RHBDD1: variants seen among roughly 807,000 people sequenced by gnomAD.
The protein encoded by RHBDD1 is rhomboid domain containing 1, also known as rhomboid-related protein 4.
A neutral mutation model predicts 36.3 loss-of-function variants in RHBDD1; 38 were observed. The ratio of observed to expected loss-of-function variants is 1.05; its 90% CI spans 0.81 to 1.37. The LOEUF (loss-of-function observed/expected upper bound fraction) is 1.37. Ranked by LOEUF, RHBDD1 falls within the 40% of genes most tolerant of loss-of-function variation. The pLI, the probability that RHBDD1 is intolerant of heterozygous loss-of-function variation, is 0.00. For missense variants in RHBDD1, 393 were observed against 377.6 expected (o/e 1.04, Z -0.34); for synonymous variants, 151 against 136.5 (o/e 1.11, Z -0.74).
intron 5 of RHBDD1, among the ~76,000 whole-genome samples, chr2:226,891,934 G>A (rs535803241): frequency 6.6e-6 from 1 of 152,330 alleles, no homozygotes; most frequent in African/African-American, 2.4e-5. Context: ...GGCCAGTGCA[G>A]GTCGCATGCC....
intron 8 of RHBDD1, among the ~76,000 whole-genome samples, chr2:226,946,291 T>G (rs1000018701): frequency 6.6e-6 from 1 of 152,200 alleles, no homozygotes; most frequent in African/African-American, 2.4e-5. Flanking sequence ...GGTCTTATGT[T>G]TAAGTCTTTA....
chr2:226,825,778 C>T, the RHBDD1 span, among the ~76,000 whole-genome samples: 2 of 152,188 alleles, frequency 1.3e-5, no homozygotes, highest in Non-Finnish European at 2.9e-5. Flanking sequence ...AATCATGAAT[C>T]CCTTTGCCCA....
intron 3 of RHBDD1, among the ~76,000 whole-genome samples, chr2:226,842,221 T>G (rs986972007): frequency 1.3e-5 from 2 of 152,214 alleles, no homozygotes; most frequent in African/African-American, 4.8e-5. Flanking sequence ...TGTAAAAATT[T>G]TCTCCCATTC....
At chr2:226,988,425 A>G in intron 8 of RHBDD1, 5 of 1,550,468 alleles carry the variant, frequency 3.2e-6, no homozygotes, top group Non-Finnish European at 4.4e-6. Context: ...GGAAGCCTGA[A>G]GCAGGCCGCA....
chr2:226,940,162 C>G (rs1372681994), intron 8 of RHBDD1, among the ~76,000 whole-genome samples: 1 of 152,080 alleles, frequency 6.6e-6, no homozygotes, highest in Non-Finnish European at 1.5e-5. Flanking sequence ...TGTAAAAACC[C>G]TAGAGGAAAA....
chr2:226,850,161 A>G (rs1942669207), intron 3 of RHBDD1, among the ~76,000 whole-genome samples: 1 of 152,216 alleles, frequency 6.6e-6, no homozygotes, highest in South Asian at 2.1e-4. Context: ...GGTTGATGAG[A>G]TAATTTGCTC....
chr2:226,966,052 G>T (rs1386294935), intron 8 of RHBDD1, among the ~76,000 whole-genome samples: 2 of 152,046 alleles, frequency 1.3e-5, no homozygotes, highest in Non-Finnish European at 2.9e-5. Flanking sequence ...ATCATTCCTG[G>T]GGTATAAGGT....
chr2:226,986,877 C>T (rs116534613), intron 8 of RHBDD1, among the ~76,000 whole-genome samples: 2,295 of 152,296 alleles, frequency 0.015, 47 homozygotes, highest in African/African-American at 0.053. Flanking sequence ...GACACATGCA[C>T]GTGTGTGCTT....
intron 8 of RHBDD1, among the ~76,000 whole-genome samples, chr2:226,984,366 A>G (rs1956461528): frequency 1.3e-5 from 2 of 152,222 alleles, no homozygotes; most frequent in Admixed American, 1.3e-4. Context: ...TTCCTGGATT[A>G]TAGATGGCTG....
intron 8 of RHBDD1, chr2:226,942,585 G>A (rs750301571): frequency 2.9e-6 from 1 of 344,878 alleles, no homozygotes; most frequent in Non-Finnish European, 5.7e-6. Context: ...AGAGGTATGT[G>A]TGGCCACTAT....
intron 8 of RHBDD1, among the ~76,000 whole-genome samples, chr2:226,922,368 C>T (rs1467317222): frequency 1.3e-5 from 2 of 151,692 alleles, no homozygotes; most frequent in African/African-American, 2.4e-5. Context: ...CTGCCACGCC[C>T]GGCTAATTTT....
At chr2:226,934,869 T>C (rs911772728) in intron 8 of RHBDD1, among the ~76,000 whole-genome samples, 13 of 152,072 alleles carry the variant, frequency 8.5e-5, no homozygotes, top group Admixed American at 4.6e-4. Context: ...TTTTCTTTTT[T>C]TTTTTAAATA....
At chr2:226,901,101 T>C (rs1275330976) in intron 5 of RHBDD1, among the ~76,000 whole-genome samples, 3 of 152,368 alleles carry the variant, frequency 2.0e-5, no homozygotes, top group African/African-American at 7.2e-5. Flanking sequence ...AGTCCACATA[T>C]GAGTGAGATC....
intron 8 of RHBDD1, among the ~76,000 whole-genome samples, chr2:226,931,254 C>T (rs1950013852): frequency 1.3e-5 from 2 of 151,836 alleles, no homozygotes; most frequent in African/African-American, 4.8e-5. Context: ...TGTCCATCAA[C>T]CAATGAGTAA....
intron 8 of RHBDD1, among the ~76,000 whole-genome samples, chr2:226,968,113 G>A (rs1952786793): frequency 6.6e-6 from 1 of 152,148 alleles, no homozygotes; most frequent in Non-Finnish European, 1.5e-5. Flanking sequence ...AGTTTACAAA[G>A]ATAGGAGACA....
chr2:226,958,418 G>A (rs56237428), intron 8 of RHBDD1, among the ~76,000 whole-genome samples: 11,881 of 152,212 alleles, frequency 0.078, 513 homozygotes, highest in East Asian at 0.18. Flanking sequence ...ATTGCTAATA[G>A]GCATTGAGTT....
the RHBDD1 span, among the ~76,000 whole-genome samples, chr2:226,802,668 G>A: frequency 6.6e-6 from 1 of 152,192 alleles, no homozygotes; most frequent in East Asian, 1.9e-4. Flanking sequence ...AGAAGAACAA[G>A]CTATTACCAA....
chr2:226,922,006 C>T (rs1465341807), intron 8 of RHBDD1, among the ~76,000 whole-genome samples: 1 of 152,054 alleles, frequency 6.6e-6, no homozygotes, highest in Non-Finnish European at 1.5e-5. Context: ...CTTTATATAT[C>T]TGGGTGCTCC....
intron 5 of RHBDD1, among the ~76,000 whole-genome samples, chr2:226,868,414 T>C (rs1078683): frequency 0.2 from 30,628 of 152,178 alleles, 5,291 homozygotes; most frequent in African/African-American, 0.47. Flanking sequence ...CCTTTGGTTC[T>C]TTTCTCTGCT....
Sources: allele counts gnomAD v4.1 joint callset (sites outside exome capture counted in the v4.1 genomes callset), GRCh38; gene constraint gnomAD v4.1.1; transcripts MANE v1.5; gene names NCBI Gene and HGNC (gene_info 2026-07-23, HGNC 2026-07-21).